The following WDR19 variants were observed in gnomAD, a reference collection of about 807,000 sequenced individuals.
The protein encoded by WDR19 is WD repeat domain 19, also known as WD repeat-containing protein 19.
In WDR19, 121 loss-of-function variants were observed where a neutral mutation model predicts 180.0. That is an observed-to-expected ratio of 0.67 (90% CI 0.58 to 0.78). The LOEUF is 0.78. Ranked by LOEUF, WDR19 falls within the 30% of genes least tolerant of loss-of-function variation. The pLI, the probability that WDR19 is intolerant of heterozygous loss-of-function variation, is 0.00. For synonymous variants in WDR19, 497 were observed against 540.7 expected, an observed-to-expected ratio of 0.92 and a Z score of 1.12; for missense variants, 1,450 against 1,640.7, an observed-to-expected ratio of 0.88 and a Z score of 2.01.
intron 32 of WDR19, chr4:39,273,321 G>A (rs147318803): frequency 0.027 from 12,632 of 466,446 alleles, 253 homozygotes; most frequent in Non-Finnish European, 0.032. Flanking sequence ...TGAGCAGAAG[G>A]ATTCACGCAA....
chr4:39,185,459 A>C (rs2109739741), intron 1 of WDR19, among the ~76,000 whole-genome samples: 1 of 152,364 alleles, frequency 6.6e-6, no homozygotes, highest in East Asian at 1.9e-4. Flanking sequence ...ATTAACATTC[A>C]GAAACATTAA....
intron 25 of WDR19, 43 bp downstream of exon 25, chr4:39,253,335 C>G (rs1733431985): frequency 6.4e-7 from 1 of 1,562,818 alleles, no homozygotes; most frequent in Non-Finnish European, 8.7e-7. Flanking sequence ...AAAAACTAAC[C>G]ATAAAAGTAA....
chr4:39,200,600 T>C (rs1727266735), intron 6 of WDR19, among the ~76,000 whole-genome samples: 1 of 152,206 alleles, frequency 6.6e-6, no homozygotes, highest in African/African-American at 2.4e-5. Flanking sequence ...GATCTCTCCA[T>C]AGAGTGCCTC....
chr4:39,194,844 T>C, intron 5 of WDR19, 185 bp downstream of exon 5: 1 of 562,838 alleles, frequency 1.8e-6, no homozygotes, highest in East Asian at 2.9e-5. Context: ...ACTAAGAACT[T>C]GCCAGGGTAC....
chr4:39,225,109 A>G lies in WDR19; in HGVS notation c.1629+76A>G, dbSNP rs73808996. The stretch of plus-strand genomic sequence containing the variant: ...AAAAAAAGTGTTTAAAGCCTATCTC[A>G]TGTAAAATTTTCTATTAATTAGTGC... On this transcript the variant is annotated intron_variant, in intron 15 of 36. Coordinates refer to ENST00000399820, the MANE Select transcript of WDR19 (RefSeq NM_025132.4). The G allele has an allele frequency of 0.015, 17,924 of 1,228,108 alleles. 2,083 individuals carry two copies. In the African/African-American group the frequency reaches 0.25, roughly 17 times the overall value. The allele number at this position is 1,228,108 out of a possible 1,614,324, so 76.1% of individuals were successfully genotyped here. A position where few individuals can be genotyped will look rare whatever the true frequency, so the allele number is the denominator to read the frequency against.
At chr4:39,202,122 A>G (rs1457976035) in intron 6 of WDR19, among the ~76,000 whole-genome samples, 1 of 152,070 alleles carries the variant, frequency 6.6e-6, no homozygotes, top group East Asian at 1.9e-4. Context: ...TGCCCTTTCT[A>G]TTCTGTTTTT....
At position 39,272,981 on chromosome 4, in the gene WDR19, T is replaced by A. The variant is rs1429836760; in HGVS notation, c.3485T>A (p.Ile1162Asn). The A allele has an allele frequency of 1.9e-6, 3 of 1,594,970 alleles. No homozygotes were observed. The African/African-American group carries it at 4.0e-5, about 21-fold the overall frequency. ...AGTAAAATATGTCATTTGTTTCAGA[T>A]TCATGTTAAAAATGGAGATCACATG... ...MILHSYILVKIHVKNGDHMKG... is the reference protein window; with the variant it reads ...MILHSYILVKNHVKNGDHMKG... Residue 1162 changes from isoleucine to asparagine, a missense_variant and splice_region_variant, in exon 32 of 37, where the codon ATT becomes AAT. Coordinates refer to ENST00000399820, the MANE Select transcript of WDR19 (RefSeq NM_025132.4).
At chr4:39,281,236 T>TATATATAGAGAGAGAGAG (rs762298152) in intron 36 of WDR19, among the ~76,000 whole-genome samples, 185 of 103,888 alleles carry the variant, frequency 1.8e-3, no homozygotes, top group Middle Eastern at 8.3e-3. Flanking sequence ...TATATATATA[T>TATATATAGAGAGAGAGAG]AGAGAGAGAG....
At chr4:39,196,808 C>T (rs1046105898) in intron 5 of WDR19, among the ~76,000 whole-genome samples, 13 of 152,232 alleles carry the variant, frequency 8.5e-5, no homozygotes, top group African/African-American at 3.1e-4. Flanking sequence ...CTGACCTCAT[C>T]TCATGTTCTT....
intron 6 of WDR19, among the ~76,000 whole-genome samples, chr4:39,203,102 CT>C (rs11328813): frequency 0.34 from 50,564 of 146,634 alleles, 9,206 homozygotes; most frequent in African/African-American, 0.46. Flanking sequence ...TTTCCTTTTT[CT>C]TTTTCTTTCT....
At chr4:39,264,254 G>A (rs1384845251) in intron 28 of WDR19, among the ~76,000 whole-genome samples, 1 of 152,190 alleles carries the variant, frequency 6.6e-6, no homozygotes, top group Non-Finnish European at 1.5e-5. Flanking sequence ...GCTGGCTCCA[G>A]AGCCTTTGCT....
chr4:39,260,043 T>G (rs1317967523), intron 28 of WDR19, among the ~76,000 whole-genome samples: 1 of 151,952 alleles, frequency 6.6e-6, no homozygotes, highest in Non-Finnish European at 1.5e-5. Context: ...CCCTCCCTTA[T>G]TCTCTCCTTC....
rs113490249 is a variant in WDR19, at chr4:39,183,250, CT to C, written c.6+707del. Among the ~76,000 whole-genome samples, 312 of 79,238 alleles carry C rather than the reference CT, an allele frequency of 3.9e-3. 8 individuals carry two copies. Among genetic ancestry groups the C allele is most frequent in the African/African-American group, 0.014 (286 of 20,068 alleles). The allele number at this position is 79,238 out of a possible 152,430, so 52.0% of individuals were successfully genotyped here. ...TCTGCTCTGGCAAAGAAATGGAAGGCTTTTTTTTTTTTTTTTTTTTACTGAG... is the reference window on the plus strand; with the variant it reads ...TCTGCTCTGGCAAAGAAATGGAAGGCTTTTTTTTTTTTTTTTTTTACTGAG... On this transcript the variant is annotated intron_variant, in intron 1 of 36. Transcript: ENST00000399820.
intron 33 of WDR19, among the ~76,000 whole-genome samples, chr4:39,276,340 G>A (rs747586244): frequency 1.3e-5 from 2 of 152,092 alleles, no homozygotes; most frequent in Admixed American, 6.5e-5. Flanking sequence ...ATGGGGAGAA[G>A]GTAACTAGAA....
chr4:39,219,108 T>C (rs1384966338), intron 14 of WDR19: 1 of 152,172 alleles, frequency 6.6e-6, no homozygotes, highest in Non-Finnish European at 1.5e-5. Context: ...TAACTTTTTT[T>C]TAATAAATAG....
intron 2 of WDR19, among the ~76,000 whole-genome samples, chr4:39,186,275 T>C (rs1158591721): frequency 1.3e-5 from 2 of 150,366 alleles, no homozygotes; most frequent in East Asian, 3.9e-4. Context: ...AGGCCAGGAG[T>C]TTGAGACCAG....
In WDR19 at chr4:39,228,559, G is replaced by C. The variant is rs1192709374; in HGVS notation, c.1851G>C (p.Glu617Asp). The change falls in exon 17 of 37, where the codon GAG becomes GAC. Residue 617 changes from glutamate to aspartate, a missense_variant. Physicochemically the swap from Glu to Asp is conservative, Grantham distance 45 (BLOSUM62 2). Coordinates refer to ENST00000399820, the MANE Select transcript of WDR19 (RefSeq NM_025132.4). Reference sequence around the variant, plus strand: ...AACCTTTGCTGCTATATAATGGAGAGCTGACCTGCCAAACACAGAGTGGAA... The same window carrying C: ...AACCTTTGCTGCTATATAATGGAGACCTGACCTGCCAAACACAGAGTGGAA... Reference protein sequence around the residue: ...AHKPLLLYNGELTCQTQSGKV... With the variant: ...AHKPLLLYNGDLTCQTQSGKV... 1 of 1,613,914 alleles carries C rather than the reference G, an allele frequency of 6.2e-7. No homozygotes were observed. Among genetic ancestry groups the C allele is most frequent in the Non-Finnish European group, 8.5e-7 (1 of 1,179,838 alleles).
chr4:39,264,271 A>C (rs932430802), intron 28 of WDR19, among the ~76,000 whole-genome samples: 3 of 152,112 alleles, frequency 2.0e-5, no homozygotes, highest in African/African-American at 7.2e-5. Flanking sequence ...TGCTTTAACC[A>C]TTTCTCTGTC....
At chr4:39,199,876 A>C (rs1167240826) in intron 6 of WDR19, among the ~76,000 whole-genome samples, 3 of 152,174 alleles carry the variant, frequency 2.0e-5, no homozygotes, top group African/African-American at 7.2e-5. Flanking sequence ...TTGTGAAATA[A>C]CTCTTATTTT....
Sources: gnomAD v4.1 joint callset for allele counts (sites outside exome capture counted in the v4.1 genomes callset) on GRCh38, gnomAD v4.1.1 for gene constraint, MANE v1.5 for transcripts, NCBI Gene and HGNC (gene_info 2026-07-23, HGNC 2026-07-21) for gene names.